SNX29: variants seen among roughly 807,000 people sequenced by gnomAD.
SNX29 encodes the protein sorting nexin 29.
SNX29 carries 78 observed loss-of-function variants against 102.1 expected under a neutral mutation model. The observed-to-expected ratio is 0.76, with a 90% CI of 0.64 to 0.92. The LOEUF is 0.92. Ranked by LOEUF, SNX29 falls within the 40% of genes least tolerant of loss-of-function variation. The pLI is 0.00. For missense variants in SNX29, 1,280 were observed against 1,061.7 expected (o/e 1.21, Z -2.86); for synonymous variants, 580 against 414.5 (o/e 1.40, Z -4.85).
In SNX29 at chr16:12,016,241, C is replaced by T. The variant is rs78759528; in HGVS notation, c.123-11079C>T. 9.2e-5 allele frequency among the ~76,000 whole-genome samples: 14 copies of T among 152,290 alleles called. No individual in the cohort carries two copies. The East Asian group carries it at 2.5e-3, about 27-fold the overall frequency. On this transcript the variant is annotated intron_variant, in intron 3 of 20. Coordinates refer to ENST00000566228, the MANE Select transcript of SNX29 (RefSeq NM_032167.5). ...CAAACAGTTGCCTGTGGAATACTGA[C>T]TTTGTTTCTGATTTTTACTATGATG... is the stretch of plus-strand genomic sequence containing the variant.
At chr16:11,998,805 T>A (rs2056180149) in intron 1 of SNX29, among the ~76,000 whole-genome samples, 1 of 152,214 alleles carries the variant, frequency 6.6e-6, no homozygotes, top group Non-Finnish European at 1.5e-5. Context: ...ACAGCTTGGA[T>A]TGCTGAAGGT....
At chr16:12,081,442 T>C (rs1458801730) in intron 11 of SNX29, 1 of 152,148 alleles carries the variant, frequency 6.6e-6, no homozygotes, top group Non-Finnish European at 1.5e-5. Flanking sequence ...ATGCTCTTTA[T>C]GGCCCCACTG....
At chr16:12,205,747 A>G (rs928232111) in intron 14 of SNX29, among the ~76,000 whole-genome samples, 4 of 152,140 alleles carry the variant, frequency 2.6e-5, no homozygotes, top group South Asian at 2.1e-4. Context: ...CAGGCCCTCA[A>G]GGTATCTTGG....
chr16:12,273,962 C>G lies in SNX29; in HGVS notation c.1679-3971C>G, dbSNP rs530452507. On this transcript the variant is annotated intron_variant, in intron 14 of 20. Transcript: ENST00000566228. ...ATAGTACAACCCTGCATGGCTAGAC[C>G]GCATCTTGTTCACTTACCAGGTGAT... Among the ~76,000 whole-genome samples the G allele has an allele frequency of 2.6e-5, 4 of 152,258 alleles. No individual in the cohort carries two copies. The South Asian group carries it at 6.2e-4, about 24-fold the overall frequency.
intron 15 of SNX29, among the ~76,000 whole-genome samples, chr16:12,326,986 G>A (rs960333274): frequency 6.6e-6 from 1 of 152,206 alleles, no homozygotes; most frequent in Non-Finnish European, 1.5e-5. Context: ...CTTTGGGGGC[G>A]TGGCTGATGA....
At chr16:12,313,729 C>G (rs1337408654) in intron 15 of SNX29, among the ~76,000 whole-genome samples, 4 of 152,214 alleles carry the variant, frequency 2.6e-5, no homozygotes, top group Non-Finnish European at 5.9e-5. Flanking sequence ...TCACCCCATG[C>G]CGGGTATGGA....
At chr16:12,547,294 G>A (rs553886341) in intron 20 of SNX29, among the ~76,000 whole-genome samples, 1 of 152,320 alleles carries the variant, frequency 6.6e-6, no homozygotes, top group South Asian at 2.1e-4. Context: ...GGGAGAAACA[G>A]CAAGGAAGCC....
intron 14 of SNX29, among the ~76,000 whole-genome samples, chr16:12,248,342 C>G (rs561609525): frequency 1.2e-4 from 18 of 151,908 alleles, no homozygotes; most frequent in African/African-American, 4.1e-4. Flanking sequence ...TCCTGGAGTT[C>G]TTCCTCTCCA....
At chr16:12,069,262 T>C in intron 10 of SNX29, 130 bp downstream of exon 10, 1 of 758,258 alleles carries the variant, frequency 1.3e-6, no homozygotes, top group Non-Finnish European at 2.1e-6. Context: ...CACATTTATG[T>C]TCAGATTTAG....
At chr16:12,509,550 T>C (rs541320614) in intron 19 of SNX29, among the ~76,000 whole-genome samples, 23 of 152,264 alleles carry the variant, frequency 1.5e-4, no homozygotes, top group Admixed American at 1.3e-3. Context: ...CATGGAGGGG[T>C]GTCCTGGCAG....
chr16:12,057,426 A>G (rs350215), intron 8 of SNX29, among the ~76,000 whole-genome samples: 106,835 of 152,000 alleles, frequency 0.7, 38,342 homozygotes, highest in African/African-American at 0.81. Context: ...ACAGGGGCTG[A>G]CCTCATAGAC....
At chr16:12,221,018 C>T (rs927516430) in intron 14 of SNX29, among the ~76,000 whole-genome samples, 2 of 152,204 alleles carry the variant, frequency 1.3e-5, no homozygotes, top group East Asian at 1.9e-4. Context: ...CCTCGATGCT[C>T]ACCCTCTCTT....
rs2080776678 is a variant in SNX29, at chr16:12,317,243, G to C, written c.1783-38920G>C. On this transcript the variant is annotated intron_variant, in intron 15 of 20. Coordinates refer to ENST00000566228, the MANE Select transcript of SNX29 (RefSeq NM_032167.5). Reference sequence around the variant, plus strand: ...GCCTGTGAAGGCTTGGCTGCTGGCTGTCACTCCCTCCAGAGACACACTTGG... The same window carrying C: ...GCCTGTGAAGGCTTGGCTGCTGGCTCTCACTCCCTCCAGAGACACACTTGG... Among the ~76,000 whole-genome samples the C allele has an allele frequency of 2.6e-5, 4 of 152,316 alleles. No individual in the cohort carries two copies. The South Asian group carries it at 8.3e-4, about 32-fold the overall frequency.
intron 11 of SNX29, among the ~76,000 whole-genome samples, chr16:12,107,257 A>T (rs1283352102): frequency 6.6e-6 from 1 of 152,078 alleles, no homozygotes; most frequent in African/African-American, 2.4e-5. Flanking sequence ...CTACAGAAGA[A>T]GAAAATGGGT....
In SNX29 at chr16:12,164,734, C is replaced by T. The variant is rs556695586; in HGVS notation, c.1596-34867C>T. ...AGTTTTTTGGCTCTTGTTGTCCAGG[C>T]TGGAGTGCGGTGGTATGATCTTAGC... On this transcript the variant is annotated intron_variant, in intron 13 of 20. Coordinates refer to ENST00000566228, the MANE Select transcript of SNX29 (RefSeq NM_032167.5). Among the ~76,000 whole-genome samples the T allele has an allele frequency of 4.5e-5, 6 of 132,246 alleles. No homozygotes were observed. The South Asian group carries it at 1.4e-3, about 31-fold the overall frequency. 86.8% of individuals were successfully genotyped at this position (132,246 alleles called of 152,430 possible). A position where few individuals can be genotyped will look rare whatever the true frequency, so the allele number is the denominator to read the frequency against.
chr16:12,480,130 T>TG (rs776181735), intron 19 of SNX29, among the ~76,000 whole-genome samples: 12 of 152,206 alleles, frequency 7.9e-5, no homozygotes, highest in South Asian at 4.1e-4. Context: ...AGTCAACACT[T>TG]GCTGTGTTAG....
intron 18 of SNX29, among the ~76,000 whole-genome samples, chr16:12,418,376 T>TA (rs1457987645): frequency 6.7e-6 from 1 of 148,266 alleles, no homozygotes; most frequent in Non-Finnish European, 1.5e-5. Flanking sequence ...GTATTTATTT[T>TA]TTTTTTGCTA....
intron 11 of SNX29, chr16:12,088,243 A>C (rs2052314472): frequency 2.5e-6 from 1 of 398,548 alleles, no homozygotes; most frequent in African/African-American, 2.1e-5. Context: ...GCACCTGCAG[A>C]AGGCTGCAGC....
chr16:12,559,081 C>T (rs1049693923), intron 20 of SNX29, among the ~76,000 whole-genome samples: 9 of 152,126 alleles, frequency 5.9e-5, no homozygotes, highest in Non-Finnish European at 7.4e-5. Flanking sequence ...GCTGTGTCCC[C>T]GTGCTCCTTA....
Sources: gnomAD v4.1 joint callset for allele counts (sites outside exome capture counted in the v4.1 genomes callset) on GRCh38, gnomAD v4.1.1 for gene constraint, MANE v1.5 for transcripts, NCBI Gene and HGNC (gene_info 2026-07-23, HGNC 2026-07-21) for gene names.